SATB1: variants seen among roughly 807,000 people sequenced by gnomAD.
The protein encoded by SATB1 is SATB homeobox 1.
In SATB1, 11 loss-of-function variants were observed where a neutral mutation model predicts 86.9. The observed-to-expected ratio is 0.13, with a 90% CI of 0.08 to 0.21. SATB1 has a LOEUF of 0.21. SATB1 is among the 10% of genes least tolerant of loss of function. SATB1 has a pLI of 1.00. For synonymous variants in SATB1, 357 were observed against 357.2 expected (o/e 1.00, Z 0.01); for missense variants, 551 against 937.6 (o/e 0.59, Z 5.39).
chr3:18,429,914 A>G (rs777463994), upstream of SATB1, among the ~76,000 whole-genome samples: 175 of 152,178 alleles, frequency 1.1e-3, no homozygotes, highest in Non-Finnish European at 2.0e-3. This position sits in a 1 kb window ranked among gnomAD's most constrained non-coding sequence, Gnocchi z 4.1. Context: ...TAATATTTAT[A>G]TTATAAATGA....
chr3:18,399,351 G>A (rs1026114757), intron 5 of SATB1, among the ~76,000 whole-genome samples: 6 of 152,138 alleles, frequency 3.9e-5, no homozygotes, highest in Non-Finnish European at 5.9e-5. Flanking sequence ...ATGGCGGACA[G>A]CCTCTGCCTA....
upstream of SATB1, among the ~76,000 whole-genome samples, chr3:18,425,668 C>T (rs970528568): frequency 4.0e-5 from 6 of 151,752 alleles, no homozygotes; most frequent in South Asian, 6.3e-4. Flanking sequence ...AATAACAGGG[C>T]GCTGTGCGAG....
At chr3:18,416,388 A>C (rs116171822) in intron 3 of SATB1, among the ~76,000 whole-genome samples, 1 of 152,112 alleles carries the variant, frequency 6.6e-6, no homozygotes, top group Non-Finnish European at 1.5e-5. Flanking sequence ...AAACCTATGC[A>C]TAAGGCCACA....
chr3:18,390,947 G>A (rs1291399402), intron 7 of SATB1, among the ~76,000 whole-genome samples: 1 of 152,106 alleles, frequency 6.6e-6, no homozygotes, highest in Non-Finnish European at 1.5e-5. Context: ...TTTAGCCATA[G>A]GTTTCCATTA....
At chr3:18,372,817 A>G (rs1284195643) in intron 9 of SATB1, among the ~76,000 whole-genome samples, 1 of 152,218 alleles carries the variant, frequency 6.6e-6, no homozygotes, top group Non-Finnish European at 1.5e-5. Context: ...TGAATCCAAT[A>G]TGAATTCCCA....
Position 18,444,723 on chromosome 3 carries a change from TGCC to T in SATB1, c.-25+792_-25+794del, listed in dbSNP as rs1034018060. ...CCGAGGCGGCGGCTTCTGCCTCTCCTGCCGCCGCCGCCGCCGCCGGAGCTGCGG... is the reference window on the plus strand; with the variant it reads ...CCGAGGCGGCGGCTTCTGCCTCTCCTGCCGCCGCCGCCGCCGGAGCTGCGG... On this transcript the variant is annotated intron_variant, in intron 1 of 3. Coordinates refer to the SATB1 transcript ENST00000415069. This position sits in a 1 kb window ranked among gnomAD's most constrained non-coding sequence, Gnocchi z 5.1. The T allele has an allele frequency of 6.4e-4, 562 of 877,774 alleles. No individual in the cohort carries two copies. The highest frequency in any genetic ancestry group is 7.1e-4 in the Non-Finnish European group (517 of 732,784). 54.4% of individuals were successfully genotyped at this position (877,774 alleles called of 1,614,324 possible).
At chr3:18,368,226 T>C (rs887925711) in intron 9 of SATB1, among the ~76,000 whole-genome samples, 6 of 152,334 alleles carry the variant, frequency 3.9e-5, no homozygotes, top group Admixed American at 2.6e-4. Flanking sequence ...TGTTGTGATA[T>C]AGGAATTGAA....
intron 9 of SATB1, among the ~76,000 whole-genome samples, chr3:18,361,984 T>C (rs1694925653): frequency 6.6e-6 from 1 of 152,190 alleles, no homozygotes; most frequent in African/African-American, 2.4e-5. Flanking sequence ...CTTATGCCTA[T>C]ATCTTCTACT....
rs923129729 is a variant in SATB1 at position 18,424,924 on chromosome 3, GGTGT to G, written c.-1326_-1323del. ...GGTGTTGCTGGGTGGCACAGGGAGA[GGTGT>G]GTGTGTGTTTGTGTGTGTGCGTGAG... On this transcript the variant is annotated 5_prime_UTR_variant, in exon 1 of 11. The change abolishes the stop of an existing upstream ORF in the 5' untranslated region. Coordinates refer to ENST00000338745, the MANE Select transcript of SATB1 (RefSeq NM_002971.6). The G allele has an allele frequency of 6.5e-5, 10 of 154,166 alleles. No homozygotes were observed. The highest frequency in any genetic ancestry group is 1.1e-4 in the Non-Finnish European group (8 of 69,842). 9.5% of individuals were successfully genotyped at this position (154,166 alleles called of 1,614,324 possible). A position where few individuals can be genotyped will look rare whatever the true frequency, so the allele number is the denominator to read the frequency against.
intron 5 of SATB1, among the ~76,000 whole-genome samples, chr3:18,397,556 T>A (rs914001526): frequency 1.3e-5 from 2 of 152,194 alleles, no homozygotes; most frequent in Admixed American, 1.3e-4. Flanking sequence ...TGAATCTCCA[T>A]CAATGCCATC....
At chr3:18,410,773 A>G (rs890409210) in intron 5 of SATB1, 2 of 301,182 alleles carry the variant, frequency 6.6e-6, no homozygotes, top group Non-Finnish European at 1.2e-5. Context: ...TAAAATTTTA[A>G]GAAACATGTC....
At chr3:18,363,149 T>A (rs1000127274) in intron 9 of SATB1, among the ~76,000 whole-genome samples, 1 of 152,002 alleles carries the variant, frequency 6.6e-6, no homozygotes, top group Non-Finnish European at 1.5e-5. Context: ...TTAGGAGAGA[T>A]AACAAAAAAT....
intron 5 of SATB1, among the ~76,000 whole-genome samples, chr3:18,405,470 T>C (rs777327118): frequency 6.6e-6 from 1 of 151,986 alleles, no homozygotes; most frequent in Non-Finnish European, 1.5e-5. Context: ...ACTAAAGTAC[T>C]TTGAGCAATT....
chr3:18,415,207 G>A lies in SATB1; in HGVS notation c.543C>T (p.Pro181=), dbSNP rs140768077. 3.2e-5 allele frequency: 51 copies of A among 1,612,718 alleles called. No homozygotes were observed. The highest frequency in any genetic ancestry group is 7.7e-5 in the South Asian group (7 of 91,050). Residue 181 remains proline (P), a synonymous_variant, in exon 5 of 11, where the codon CCC becomes CCT. Coordinates refer to ENST00000338745, the MANE Select transcript of SATB1 (RefSeq NM_002971.6). ...HSCPKLEDLP[P]EQWSHTTVRN... is the part of the protein sequence containing the mutation. ...TCACTGTGGTGTGCGACCATTGTTC[G>A]GGAGGCAAGTCTTCTAGTTTGGGGC...
At chr3:18,437,958 C>CGA (rs1699120171) in intron 1 of SATB1, among the ~76,000 whole-genome samples, 1 of 152,068 alleles carries the variant, frequency 6.6e-6, no homozygotes, top group South Asian at 2.1e-4. Context: ...TGTTAATCCC[C>CGA]AATGATTTCC....
chr3:18,398,765 A>G (rs1467869960), intron 5 of SATB1, among the ~76,000 whole-genome samples: 2 of 152,066 alleles, frequency 1.3e-5, no homozygotes, highest in Non-Finnish European at 2.9e-5. Flanking sequence ...TTCACATTTT[A>G]TATCTCTAAA....
chr3:18,423,727 CTTTT>C lies in SATB1; in HGVS notation c.-129_-126del, dbSNP rs750232702. On this transcript the variant is annotated 5_prime_UTR_variant, in exon 1 of 11. Coordinates refer to ENST00000338745, the MANE Select transcript of SATB1 (RefSeq NM_002971.6). ...GTTCAAGACTGATGTTTTCTATGTCCTTTTTTTTTTTAATTAAAAAAAAAAAAAT... is the reference window on the plus strand; with the variant it reads ...GTTCAAGACTGATGTTTTCTATGTCCTTTTTTTAATTAAAAAAAAAAAAAT... 2 of 117,698 alleles carry C rather than the reference CTTTT, an allele frequency of 1.7e-5. No homozygotes were observed. Among genetic ancestry groups the C allele is most frequent in the Non-Finnish European group, 3.4e-5 (2 of 58,098 alleles). The allele number at this position is 117,698 out of a possible 1,614,324, so 7.3% of individuals were successfully genotyped here.
intron 5 of SATB1, among the ~76,000 whole-genome samples, chr3:18,400,000 G>A (rs1282618819): frequency 2.0e-5 from 3 of 152,076 alleles, no homozygotes; most frequent in African/African-American, 4.8e-5. Flanking sequence ...CCAGCCAGCC[G>A]GTTTCAATGG....
At chr3:18,369,034 A>G (rs1460730726) in intron 9 of SATB1, among the ~76,000 whole-genome samples, 1 of 152,022 alleles carries the variant, frequency 6.6e-6, no homozygotes, top group East Asian at 1.9e-4. Context: ...AGGGTTTCCA[A>G]CTCTGCCTTT....
Sources: allele counts gnomAD v4.1 joint callset (sites outside exome capture counted in the v4.1 genomes callset), GRCh38; gene constraint gnomAD v4.1.1; non-coding constraint Gnocchi (gnomAD v3.1); transcripts MANE v1.5; gene names NCBI Gene and HGNC (gene_info 2026-07-23, HGNC 2026-07-21).